The following PKHD1L1 variants were observed in gnomAD, a reference collection of about 807,000 sequenced individuals.
PKHD1L1 encodes the protein fibrocystin-L.
A neutral mutation model predicts 462.9 loss-of-function variants in PKHD1L1; 434 were observed. The ratio of observed to expected loss-of-function variants is 0.94; its 90% CI spans 0.87 to 1.02. The LOEUF (loss-of-function observed/expected upper bound fraction) is 1.02. Among genes scored for constraint, PKHD1L1 ranks in the 50% least tolerant of loss-of-function variants. The pLI is 0.00. For missense variants in PKHD1L1, 5,202 were observed against 5,096.1 expected (o/e 1.02, Z -0.63); for synonymous variants, 1,781 against 1,750.0 (o/e 1.02, Z -0.44).
chr8:109,477,510 T>G lies in PKHD1L1; in HGVS notation c.9089+114T>G, dbSNP rs920814901. 4.2e-6 allele frequency: 4 copies of G among 951,410 alleles called. No homozygotes were observed. In the African/African-American group the frequency reaches 6.8e-5, roughly 16 times the overall value. 58.9% of individuals were successfully genotyped at this position (951,410 alleles called of 1,614,324 possible). A position where few individuals can be genotyped will look rare whatever the true frequency, so the allele number is the denominator to read the frequency against. ...TACTCTTGCACAATGTCTTGTAGGT[T>G]ACAAAGTACTTTCACATTCACTGCT... On this transcript the variant is annotated intron_variant, in intron 53 of 77. Transcript: ENST00000378402.
chr8:109,455,672 G>T (rs1274957244), intron 45 of PKHD1L1, among the ~76,000 whole-genome samples: 1 of 148,186 alleles, frequency 6.7e-6, no homozygotes, highest in East Asian at 1.9e-4. Context: ...TTGTCAGCAA[G>T]TAAAAATGAT....
intron 32 of PKHD1L1, 106 bp from the exon 33 acceptor site, chr8:109,440,604 A>C: frequency 1.0e-6 from 1 of 989,056 alleles, no homozygotes; most frequent in Non-Finnish European, 1.5e-6. Context: ...TGTACAGTTA[A>C]ATATCCAGTT....
In PKHD1L1 at chr8:109,530,499, C is replaced by T. The variant is rs1821015850; in HGVS notation, c.*409C>T. Among the ~76,000 whole-genome samples, 1 of 151,796 alleles carries T rather than the reference C, an allele frequency of 6.6e-6. No homozygotes were observed. The highest frequency in any genetic ancestry group is 1.5e-5 in the Non-Finnish European group (1 of 67,964). On this transcript the variant is annotated 3_prime_UTR_variant, in exon 78 of 78. Coordinates refer to ENST00000378402, the MANE Select transcript of PKHD1L1 (RefSeq NM_177531.6). ...GGGGGGGGTTCTTATTTTCTCTATC[C>T]ATTTACAAGGTTTTGATTTCCAATA...
At chr8:109,503,165 AG>A (rs772610758) in intron 67 of PKHD1L1, among the ~76,000 whole-genome samples, 187 of 152,220 alleles carry the variant, frequency 1.2e-3, no homozygotes, top group Non-Finnish European at 2.4e-3. Flanking sequence ...AAAATTAGCC[AG>A]TCATGGTGGC....
chr8:109,466,585 A>G lies in PKHD1L1; in HGVS notation c.8421A>G (p.Lys2807=). 2 of 1,581,308 alleles carry G rather than the reference A, an allele frequency of 1.3e-6. No homozygotes were observed. Among genetic ancestry groups the G allele is most frequent in the Non-Finnish European group, 1.7e-6 (2 of 1,163,892 alleles). ...TGTTTGTTTGTTTCCCAGGGCACAA[A>G]GGACATACCGTCATTCCACACAGCT... ...IDVDGSLTGH[K]GHTVIPHSSL... is the part of the protein sequence containing the mutation. Residue 2807 remains lysine (K), a synonymous_variant, in exon 50 of 78, where the codon AAA becomes AAG. Transcript: ENST00000378402.
chr8:109,464,964 G>C lies in PKHD1L1; in HGVS notation c.8132G>C (p.Gly2711Ala), dbSNP rs1471966694. Reference protein sequence around the residue: ...GAVIKNAKIVGHLDELGMGSA... With the variant: ...GAVIKNAKIVAHLDELGMGSA... ...GTGATTAAAAATGCCAAAATAGTCG[G>C]CCATCTTGATGAACTGGGAATGGGG... The change falls in exon 49 of 78, where the codon GGC (glycine) becomes GCC (alanine). Residue 2711 changes from glycine to alanine, a missense_variant. Gly to Ala is a moderately conservative substitution (Grantham distance 60). This residue lies in a region of PKHD1L1 where 4,497 missense variants were observed against 4,336.8 expected (regional missense o/e 1.04). Transcript: ENST00000378402. 1.9e-6 allele frequency: 3 copies of C among 1,613,720 alleles called. No homozygotes were observed. Among genetic ancestry groups the C allele is most frequent in the Non-Finnish European group, 2.5e-6 (3 of 1,179,812 alleles).
chr8:109,375,453 C>T (rs1437393131), intron 2 of PKHD1L1, among the ~76,000 whole-genome samples: 1 of 152,108 alleles, frequency 6.6e-6, no homozygotes, highest in Admixed American at 6.6e-5. Context: ...CGAACTTCCT[C>T]CTTTAGCTCG....
intron 38 of PKHD1L1, among the ~76,000 whole-genome samples, 156 bp downstream of exon 38, chr8:109,445,801 A>G (rs1816105703): frequency 6.6e-6 from 1 of 152,112 alleles, no homozygotes; most frequent in African/African-American, 2.4e-5. Context: ...TGTAGTCTCT[A>G]TTGTATGATT....
chr8:109,466,060 A>T (rs911132382), intron 49 of PKHD1L1, among the ~76,000 whole-genome samples: 1 of 152,220 alleles, frequency 6.6e-6, no homozygotes, highest in Non-Finnish European at 1.5e-5. Context: ...AAGAAGATTC[A>T]TCTCAAAATT....
intron 23 of PKHD1L1, among the ~76,000 whole-genome samples, chr8:109,422,184 T>TA (rs1814508654): frequency 6.6e-6 from 1 of 152,130 alleles, no homozygotes; most frequent in Non-Finnish European, 1.5e-5. Flanking sequence ...ATTGACATGA[T>TA]AAAATCCACT....
intron 15 of PKHD1L1, 33 bp downstream of exon 15, chr8:109,404,746 G>A: frequency 6.5e-7 from 1 of 1,545,092 alleles, no homozygotes; most frequent in Non-Finnish European, 8.7e-7. Flanking sequence ...CTTACAGAAA[G>A]TAAATGTTCG....
intron 48 of PKHD1L1, among the ~76,000 whole-genome samples, chr8:109,463,599 C>T (rs1418189050): frequency 1.3e-5 from 2 of 152,076 alleles, no homozygotes; most frequent in Non-Finnish European, 2.9e-5. Flanking sequence ...CACTGGTATC[C>T]TCTGTATTAA....
At chr8:109,443,143 G>C in intron 36 of PKHD1L1, 27 bp downstream of exon 36, 1 of 1,605,636 alleles carries the variant, frequency 6.2e-7, no homozygotes, top group Non-Finnish European at 8.5e-7. Context: ...TGGAAACTCT[G>C]TTACACAGGT....
In PKHD1L1 at chr8:109,406,352, G is replaced by C; in HGVS notation, c.1687G>C (p.Ala563Pro). Residue 563 changes from alanine to proline, a missense_variant, in exon 17 of 78, where the codon GCT becomes CCT. Transcript: ENST00000378402. Reference protein sequence around the residue: ...MEKTVFLPADASEFILQSALN... With the variant: ...MEKTVFLPADPSEFILQSALN... ...AATCAAAGTCTTCCTACCTGCTGAT[G>C]CTTCTGAATTCATACTGCAATCAGC... is the stretch of plus-strand genomic sequence containing the variant. The C allele has an allele frequency of 6.4e-7, 1 of 1,551,066 alleles. No individual in the cohort carries two copies. The highest frequency in any genetic ancestry group is 8.7e-7 in the Non-Finnish European group (1 of 1,147,136).
In PKHD1L1 at chr8:109,452,881, T is replaced by A. The variant is rs1282126497; in HGVS notation, c.6664+7T>A. 7.1e-7 allele frequency: 1 copy of A among 1,402,006 alleles called. No homozygotes were observed. Among genetic ancestry groups the A allele is most frequent in the South Asian group, 1.8e-5 (1 of 55,444 alleles). 86.8% of individuals were successfully genotyped at this position (1,402,006 alleles called of 1,614,324 possible). On this transcript the variant is annotated splice_region_variant and intron_variant, in intron 43 of 77. Coordinates refer to ENST00000378402, the MANE Select transcript of PKHD1L1 (RefSeq NM_177531.6). ...AAAATGTTGCTTATTCAGGGTAAATTTCTGAATATCTGTTCATTGGACTCT... is the reference window on the plus strand; with the variant it reads ...AAAATGTTGCTTATTCAGGGTAAATATCTGAATATCTGTTCATTGGACTCT...
At chr8:109,364,521 C>A in intron 1 of PKHD1L1, 26 bp from the exon 2 acceptor site, 1 of 1,464,436 alleles carries the variant, frequency 6.8e-7, no homozygotes, top group South Asian at 1.2e-5. Context: ...TGATTTTTAC[C>A]TCTACTGTAT....
At position 109,534,140 on chromosome 8, in the gene PKHD1L1, A is replaced by C. The variant is rs1821100622; in HGVS notation, c.*4050A>C. On this transcript the variant is annotated 3_prime_UTR_variant, in exon 78 of 78. Coordinates refer to ENST00000378402, the MANE Select transcript of PKHD1L1 (RefSeq NM_177531.6). Reference sequence around the variant, plus strand: ...ATACCACATGCATCTTTGAGTTACTACTATACCCTCCCGAATGGAAATGCT... The same window carrying C: ...ATACCACATGCATCTTTGAGTTACTCCTATACCCTCCCGAATGGAAATGCT... Among the ~76,000 whole-genome samples the C allele has an allele frequency of 6.6e-6, 1 of 152,248 alleles. No individual in the cohort carries two copies. The highest frequency in any genetic ancestry group is 2.1e-4 in the South Asian group (1 of 4,836).
rs765088366 is a variant in PKHD1L1 at position 109,452,202 on chromosome 8, C to T, written c.6429C>T (p.Ile2143=). ...AGTATTCCAACAAGACACACATCAT[C>T]TGCATGACAGATGCCCATACTCTAT... is the stretch of plus-strand genomic sequence containing the variant. ...DVEYSNKTHI[I]CMTDAHTLSG... is the part of the protein sequence containing the mutation. Residue 2143 remains isoleucine, a synonymous_variant, in exon 42 of 78, where the codon ATC becomes ATT. Transcript: ENST00000378402. 6.2e-7 allele frequency: 1 copy of T among 1,613,404 alleles called. No individual in the cohort carries two copies. The highest frequency in any genetic ancestry group is 8.5e-7 in the Non-Finnish European group (1 of 1,179,632).
Position 109,401,493 on chromosome 8 carries a change from T to A in PKHD1L1, c.1282-4T>A. 6.7e-7 allele frequency: 1 copy of A among 1,503,570 alleles called. No individual in the cohort carries two copies. Among genetic ancestry groups the A allele is most frequent in the Non-Finnish European group, 9.2e-7 (1 of 1,084,296 alleles). The allele number at this position is 1,503,570 out of a possible 1,614,324, so 93.1% of individuals were successfully genotyped here. On this transcript the variant is annotated splice_region_variant and splice_polypyrimidine_tract_variant and intron_variant, in intron 13 of 77. Transcript: ENST00000378402. The stretch of plus-strand genomic sequence containing the variant: ...TTTCTCTGTCTCTGTCTCTCTCGGA[T>A]TAGGTGAGGATTGCATATCATTCTG...
Sources: allele counts gnomAD v4.1 joint callset (sites outside exome capture counted in the v4.1 genomes callset), GRCh38; gene constraint gnomAD v4.1.1; regional missense constraint gnomAD v4.1.1; transcripts MANE v1.5; gene names NCBI Gene and HGNC (gene_info 2026-07-23, HGNC 2026-07-21).